Variants in MAP4K3 observed in about 807,000 individuals in gnomAD.
MAP4K3 encodes MAPK/ERK kinase kinase kinase 3.
A neutral mutation model predicts 143.5 loss-of-function variants in MAP4K3; 94 were observed. The ratio of observed to expected loss-of-function variants is 0.65; its 90% CI spans 0.55 to 0.78. The LOEUF is 0.78. MAP4K3 is among the 30% of genes least tolerant of loss of function. The pLI is 0.00. For synonymous variants in MAP4K3, 416 were observed against 347.2 expected, an observed-to-expected ratio of 1.20 and a Z score of -2.20; for missense variants, 1,077 against 1,068.1, an observed-to-expected ratio of 1.01 and a Z score of -0.12.
intron 13 of MAP4K3, among the ~76,000 whole-genome samples, chr2:39,310,389 C>G (rs1208330315): frequency 6.6e-6 from 1 of 152,144 alleles, no homozygotes; most frequent in East Asian, 1.9e-4. Context: ...TTAATGTCCT[C>G]CAGTTCCATC....
rs956783328 is a variant in MAP4K3, at chr2:39,437,080, C to T, written c.-93G>A. 1.0e-5 allele frequency: 9 copies of T among 888,004 alleles called. No homozygotes were observed. The Middle Eastern group carries it at 1.4e-3, about 138-fold the overall frequency. The allele number at this position is 888,004 out of a possible 1,614,324, so 55.0% of individuals were successfully genotyped here. A position where few individuals can be genotyped will look rare whatever the true frequency, so the allele number is the denominator to read the frequency against. On this transcript the variant is annotated 5_prime_UTR_variant, in exon 1 of 34. Transcript: ENST00000263881. ...GAGAGAGGGCGCCGCGGCCGGCTCC[C>T]GGCTCCCCCGGCGGTCACAATCACC...
In MAP4K3 at chr2:39,378,400, T is replaced by C. The variant is rs149985303; in HGVS notation, c.97-277A>G. Among the ~76,000 whole-genome samples, 937 of 152,296 alleles carry C rather than the reference T, an allele frequency of 6.2e-3. 13 individuals are homozygous for C. The highest frequency in any genetic ancestry group is 0.021 in the African/African-American group (877 of 41,568). ...AATGTTTTAATATTAATTCATTTAA[T>C]CCTCACAACAACCTTATAAAATAGG... is the stretch of plus-strand genomic sequence containing the variant. On this transcript the variant is annotated intron_variant, in intron 1 of 33. Transcript: ENST00000263881.
At chr2:39,297,905 C>T (rs1682348089) in intron 16 of MAP4K3, among the ~76,000 whole-genome samples, 1 of 152,126 alleles carries the variant, frequency 6.6e-6, no homozygotes, top group Admixed American at 6.6e-5. Context: ...TAACATTTTA[C>T]CTAGCCAAAA....
chr2:39,261,827 C>T (rs1041935955), intron 28 of MAP4K3, among the ~76,000 whole-genome samples: 1 of 152,006 alleles, frequency 6.6e-6, no homozygotes, highest in African/African-American at 2.4e-5. Context: ...TATAATTCCA[C>T]TTAAATACTG....
At chr2:39,416,006 A>ATATATATATATATATATACATAAAAAT (rs1420812309) in intron 1 of MAP4K3, among the ~76,000 whole-genome samples, 3 of 75,884 alleles carry the variant, frequency 4.0e-5, no homozygotes, top group African/African-American at 2.2e-4. Context: ...TATATATATA[A>ATATATATATATATATATACATAAAAAT]AAATAACATT....
chr2:39,428,837 A>C (rs1421522069), intron 1 of MAP4K3, among the ~76,000 whole-genome samples: 3 of 151,764 alleles, frequency 2.0e-5, no homozygotes, highest in Non-Finnish European at 4.4e-5. Context: ...TGGGAGGCTG[A>C]GGCGGGTGGA....
Position 39,272,385 on chromosome 2 carries a change from A to G in MAP4K3, c.1871T>C (p.Leu624Pro). 6.2e-7 allele frequency: 1 copy of G among 1,613,222 alleles called. No homozygotes were observed. Among genetic ancestry groups the G allele is most frequent in the Non-Finnish European group, 8.5e-7 (1 of 1,179,346 alleles). Reference sequence around the variant, plus strand: ...AAGCCCTGGTAAATTATGGGAATAAAGCTGAGAAGCTTTACCTATAAAGAA... The same window carrying G: ...AAGCCCTGGTAAATTATGGGAATAAGGCTGAGAAGCTTTACCTATAAAGAA... ...LLSISGKASQ[L>P]YSHNLPGLFD... The change falls in exon 26 of 34, where the codon CTT becomes CCT. Residue 624 changes from leucine to proline, a missense_variant. Around this residue, in one of 2 missense-constraint regions of MAP4K3, gnomAD observed 864 missense variants for 801.2 expected, o/e 1.08. Transcript: ENST00000263881.
chr2:39,361,252 ATATTATAATAATATACAT>A (rs1216058518), intron 2 of MAP4K3, among the ~76,000 whole-genome samples: 1 of 149,192 alleles, frequency 6.7e-6, no homozygotes, highest in Non-Finnish European at 1.5e-5. Flanking sequence ...TAATAATATG[ATATTATAATAATATACAT>A]TATAGCAACT....
intron 16 of MAP4K3, among the ~76,000 whole-genome samples, chr2:39,295,079 A>G (rs1464037606): frequency 6.6e-6 from 1 of 151,838 alleles, no homozygotes; most frequent in African/African-American, 2.4e-5. Context: ...TTTTACTAAT[A>G]TTATTTTGTC....
In MAP4K3 at chr2:39,326,208, C is replaced by G; in HGVS notation, c.600G>C (p.Val200=). The change falls in exon 9 of 34, where the codon GTG becomes GTC. Residue 200 remains valine, a synonymous_variant. Coordinates refer to ENST00000263881, the MANE Select transcript of MAP4K3 (RefSeq NM_003618.4). ...GYNQLCDLWA[V]GITAIELAEL... is the part of the protein sequence containing the mutation. ...CTGCAAGTTCTATGGCAGTGATTCC[C>G]ACTGCCCAGAGATCACAGAGTTGAT... 4 of 1,613,944 alleles carry G rather than the reference C, an allele frequency of 2.5e-6. No individual in the cohort carries two copies. Among genetic ancestry groups the G allele is most frequent in the Admixed American group, 3.3e-5 (2 of 60,000 alleles).
At chr2:39,292,707 G>T in intron 18 of MAP4K3, 66 bp downstream of exon 18, 1 of 1,264,258 alleles carries the variant, frequency 7.9e-7, no homozygotes, top group Non-Finnish European at 1.2e-6. Flanking sequence ...ATATTAAGCT[G>T]CCAGATTGAT....
At chr2:39,393,508 C>T (rs1187098530) in intron 1 of MAP4K3, among the ~76,000 whole-genome samples, 1 of 152,116 alleles carries the variant, frequency 6.6e-6, no homozygotes, top group Non-Finnish European at 1.5e-5. Flanking sequence ...CTATGTATAG[C>T]AAACTTCATT....
intron 16 of MAP4K3, among the ~76,000 whole-genome samples, chr2:39,295,761 C>G (rs1012913808): frequency 7.3e-6 from 1 of 137,564 alleles, no homozygotes; most frequent in African/African-American, 2.7e-5. Flanking sequence ...TTTTTTGGTC[C>G]AGTCTGGAGT....
chr2:39,260,123 GGTTA>G (rs1680506069), intron 29 of MAP4K3, among the ~76,000 whole-genome samples: 2 of 152,080 alleles, frequency 1.3e-5, no homozygotes, highest in South Asian at 2.1e-4. Flanking sequence ...TGATTTAGTT[GGTTA>G]GTTAGAGACA....
intron 1 of MAP4K3, among the ~76,000 whole-genome samples, chr2:39,385,533 T>C (rs1220374261): frequency 7.1e-6 from 1 of 140,138 alleles, no homozygotes; most frequent in East Asian, 2.1e-4. Flanking sequence ...ATTTTCTTAC[T>C]GAGTTATGAG....
At chr2:39,323,216 T>C (rs1468282467) in intron 12 of MAP4K3, 2 of 152,184 alleles carry the variant, frequency 1.3e-5, no homozygotes, top group African/African-American at 4.8e-5. Context: ...CTACTTACCA[T>C]AGAGATTTGT....
Position 39,300,433 on chromosome 2 carries a change from G to A in MAP4K3, c.1120-632C>T, listed in dbSNP as rs1682462089. On this transcript the variant is annotated intron_variant, in intron 15 of 33. Transcript: ENST00000263881. ...CCGACTTAATGCTGTGGGTTATAGA[G>A]TGTTAAGAATTAACATTTAAAAGGA... Among the ~76,000 whole-genome samples, 3 of 152,152 alleles carry A rather than the reference G, an allele frequency of 2.0e-5. No homozygotes were observed. In the South Asian group the frequency reaches 6.2e-4, roughly 32 times the overall value.
At chr2:39,306,501 G>A (rs1461689674) in intron 15 of MAP4K3, among the ~76,000 whole-genome samples, 3 of 152,152 alleles carry the variant, frequency 2.0e-5, no homozygotes, top group Non-Finnish European at 4.4e-5. Flanking sequence ...CTACCTGAAT[G>A]TTAAACATAG....
At chr2:39,309,388 T>A in intron 14 of MAP4K3, 73 bp downstream of exon 14, 1 of 1,163,018 alleles carries the variant, frequency 8.6e-7, no homozygotes, top group South Asian at 1.3e-5. Context: ...TTTTGGTCAG[T>A]ACTAATACAT....
Sources: gnomAD v4.1 joint callset for allele counts (sites outside exome capture counted in the v4.1 genomes callset) on GRCh38, gnomAD v4.1.1 for gene constraint, gnomAD v4.1.1 regional missense constraint, MANE v1.5 for transcripts, NCBI Gene and HGNC (gene_info 2026-07-23, HGNC 2026-07-21) for gene names.